The following SGPP1 variants were observed in gnomAD, a reference collection of about 807,000 sequenced individuals.
The protein encoded by SGPP1 is sphingosine-1-phosphate phosphatase 1, also known as hSPP1.
In SGPP1, 21 loss-of-function variants were observed where a neutral mutation model predicts 33.0. The ratio of observed to expected loss-of-function variants is 0.64; its 90% CI spans 0.45 to 0.92. The LOEUF (loss-of-function observed/expected upper bound fraction) is 0.92, where lower values mean the gene tolerates loss of function less well. SGPP1 is among the 40% of genes least tolerant of loss of function. The pLI, the probability that SGPP1 is intolerant of heterozygous loss-of-function variation, is 0.00. For synonymous variants in SGPP1, 239 were observed against 241.2 expected, an observed-to-expected ratio of 0.99 and a Z score of 0.08; for missense variants, 543 against 589.4, an observed-to-expected ratio of 0.92 and a Z score of 0.81.
intron 1 of SGPP1, among the ~76,000 whole-genome samples, chr14:63,709,643 T>C (rs1238128016): frequency 6.6e-6 from 1 of 152,204 alleles, no homozygotes; most frequent in Non-Finnish European, 1.5e-5. Context: ...CTAATAAGAA[T>C]GTTTTTACTG....
chr14:63,695,715 A>G (rs1192746585), intron 2 of SGPP1, among the ~76,000 whole-genome samples: 2 of 152,132 alleles, frequency 1.3e-5, no homozygotes, highest in African/African-American at 4.8e-5. Flanking sequence ...GTTTGATATC[A>G]GCCTGGGCAG....
In SGPP1 at chr14:63,686,347, A is replaced by T. The variant is rs1209975985; in HGVS notation, c.1084T>A (p.Phe362Ile). 2 of 1,613,914 alleles carry T rather than the reference A, an allele frequency of 1.2e-6. No homozygotes were observed. Among genetic ancestry groups the T allele is most frequent in the African/African-American group, 2.7e-5 (2 of 74,922 alleles). ...LAGPPITVTL[F>I]GKAILRILIG... Reference sequence around the variant, plus strand: ...AGGATCCGCAATATGGCTTTTCCAAACAGAGTCACAGTAATGGGGGGCCCA... The same window carrying T: ...AGGATCCGCAATATGGCTTTTCCAATCAGAGTCACAGTAATGGGGGGCCCA... Residue 362 changes from phenylalanine to isoleucine, a missense_variant, in exon 3 of 3, where the codon TTT (phenylalanine) becomes ATT (isoleucine). Transcript: ENST00000247225.
chr14:63,686,410 G>C lies in SGPP1; in HGVS notation c.1021C>G (p.Leu341Val). 6.2e-7 allele frequency: 1 copy of C among 1,614,020 alleles called. No homozygotes were observed. The highest frequency in any genetic ancestry group is 8.5e-7 in the Non-Finnish European group (1 of 1,179,978). Residue 341 changes from leucine (L) to valine (V), a missense_variant, in exon 3 of 3, where the codon CTA becomes GTA. Coordinates refer to ENST00000247225, the MANE Select transcript of SGPP1 (RefSeq NM_030791.4). ...GTATCTAGAGAAGGATCTAATACTA[G>C]ACCCATGTTATAAGTAACATGAGAT... The part of the protein sequence containing the change: ...CGSHVTYNMG[L>V]VLDPSLDTLP...
chr14:63,690,209 TAA>T (rs1885063127), intron 2 of SGPP1, among the ~76,000 whole-genome samples: 1 of 152,260 alleles, frequency 6.6e-6, no homozygotes, highest in South Asian at 2.1e-4. Context: ...CCAGCTAGGC[TAA>T]GTTTTGTATT....
At position 63,685,621 on chromosome 14, in the gene SGPP1, G is replaced by C. The variant is rs1036206787; in HGVS notation, c.*484C>G. ...TCTAGTAATTACGCAATTCAATTAG[G>C]AAATGGCTCCCATAGTAAATAAATG... On this transcript the variant is annotated 3_prime_UTR_variant, in exon 3 of 3. Transcript: ENST00000247225. 7 of 152,068 alleles carry C rather than the reference G, an allele frequency of 4.6e-5. No individual in the cohort carries two copies. Among genetic ancestry groups the C allele is most frequent in the African/African-American group, 1.5e-4 (6 of 41,304 alleles). 9.4% of individuals were successfully genotyped at this position (152,068 alleles called of 1,614,324 possible). A position where few individuals can be genotyped will look rare whatever the true frequency, so the allele number is the denominator to read the frequency against.
At chr14:63,714,573 A>G (rs1424847974) in intron 1 of SGPP1, among the ~76,000 whole-genome samples, 1 of 151,946 alleles carries the variant, frequency 6.6e-6, no homozygotes. Flanking sequence ...AGTACATACC[A>G]CCACACCTGG....
Position 63,688,817 on chromosome 14 carries a change from G to T in SGPP1, c.775-2161C>A, listed in dbSNP as rs567025408. On this transcript the variant is annotated intron_variant, in intron 2 of 2. Transcript: ENST00000247225. ...GCTCTCTGCAACCTCCGCCTCCCAGGTTCACGCCATTCTCCTGCCTCGGCC... is the reference window on the plus strand; with the variant it reads ...GCTCTCTGCAACCTCCGCCTCCCAGTTTCACGCCATTCTCCTGCCTCGGCC... Among the ~76,000 whole-genome samples, 41 of 151,544 alleles carry T rather than the reference G, an allele frequency of 2.7e-4. No homozygotes were observed. In the South Asian group the frequency reaches 8.1e-3, roughly 30 times the overall value.
At chr14:63,709,002 C>A (rs753740294) in intron 1 of SGPP1, among the ~76,000 whole-genome samples, 3 of 152,148 alleles carry the variant, frequency 2.0e-5, no homozygotes, top group Non-Finnish European at 2.9e-5. Context: ...TAGAATATCA[C>A]TCAAATATAT....
intron 2 of SGPP1, among the ~76,000 whole-genome samples, chr14:63,687,209 G>A (rs150724969): frequency 0.011 from 1,687 of 152,246 alleles, 33 homozygotes; most frequent in African/African-American, 0.038. Context: ...GGGAGGCTGA[G>A]GTGGGTGGTT....
At chr14:63,694,086 C>G (rs542662150) in intron 2 of SGPP1, among the ~76,000 whole-genome samples, 25 of 152,068 alleles carry the variant, frequency 1.6e-4, no homozygotes, top group African/African-American at 6.0e-4. Flanking sequence ...TCGAAAGCAG[C>G]CTGGGCAACA....
chr14:63,688,809 C>T (rs1885035915), intron 2 of SGPP1, among the ~76,000 whole-genome samples: 1 of 151,822 alleles, frequency 6.6e-6, no homozygotes, highest in African/African-American at 2.4e-5. Context: ...GCAACCTCCG[C>T]CTCCCAGGTT....
intron 1 of SGPP1, among the ~76,000 whole-genome samples, chr14:63,719,010 A>G (rs1335319403): frequency 8.5e-5 from 2 of 23,470 alleles, no homozygotes; most frequent in African/African-American, 5.5e-4. Flanking sequence ...ATATATATAT[A>G]TATATTTTTT....
chr14:63,688,577 T>C (rs1016454753), intron 2 of SGPP1, among the ~76,000 whole-genome samples: 1 of 152,108 alleles, frequency 6.6e-6, no homozygotes. Context: ...CCCTATGATC[T>C]ACTATTACTG....
chr14:63,708,740 T>C (rs1011132579), intron 1 of SGPP1, among the ~76,000 whole-genome samples: 3 of 152,194 alleles, frequency 2.0e-5, no homozygotes, highest in African/African-American at 7.2e-5. Context: ...TTTACAAATA[T>C]TAACCCATGT....
intron 1 of SGPP1, among the ~76,000 whole-genome samples, chr14:63,724,501 G>C (rs1885835291): frequency 6.6e-6 from 1 of 151,182 alleles, no homozygotes; most frequent in African/African-American, 2.4e-5. Context: ...GTTTCTAGGG[G>C]AAAGGCTTTC....
At chr14:63,717,434 G>A (rs1273353894) in intron 1 of SGPP1, among the ~76,000 whole-genome samples, 3 of 151,402 alleles carry the variant, frequency 2.0e-5, no homozygotes, top group African/African-American at 4.9e-5. Context: ...CCATTCTCCT[G>A]CCTCAACCTC....
intron 2 of SGPP1, among the ~76,000 whole-genome samples, chr14:63,693,744 G>C (rs1421133403): frequency 3.9e-5 from 6 of 152,106 alleles, no homozygotes; most frequent in African/African-American, 1.4e-4. Flanking sequence ...CTCGTGAGTA[G>C]CTGGGATTAC....
intron 2 of SGPP1, among the ~76,000 whole-genome samples, chr14:63,696,132 A>G (rs912184791): frequency 6.6e-6 from 1 of 152,186 alleles, no homozygotes; most frequent in Non-Finnish European, 1.5e-5. Flanking sequence ...TACTAAAAAT[A>G]CAAAAATTAT....
At chr14:63,714,525 A>G (rs1885581588) in intron 1 of SGPP1, among the ~76,000 whole-genome samples, 3 of 152,116 alleles carry the variant, frequency 2.0e-5, no homozygotes, top group Admixed American at 2.0e-4. Flanking sequence ...GGCTCAAGTG[A>G]TCCTCCCACC....
Sources: gnomAD v4.1 joint callset for allele counts (sites outside exome capture counted in the v4.1 genomes callset) on GRCh38, gnomAD v4.1.1 for gene constraint, MANE v1.5 for transcripts, NCBI Gene and HGNC (gene_info 2026-07-23, HGNC 2026-07-21) for gene names.